The following GRIK4 variants were observed in gnomAD, a reference collection of about 807,000 sequenced individuals.
GRIK4 encodes glutamate ionotropic receptor kainate type subunit 4.
Under a neutral mutation model 104.9 loss-of-function variants are expected in GRIK4, and 40 were observed. The ratio of observed to expected loss-of-function variants is 0.38; its 90% CI spans 0.30 to 0.50. The LOEUF (loss-of-function observed/expected upper bound fraction) is 0.50. GRIK4 is among the 20% of genes least tolerant of loss of function. GRIK4 has a pLI of 0.93. For missense variants in GRIK4, 1,047 were observed against 1,308.1 expected, an observed-to-expected ratio of 0.80 and a Z score of 3.08; for synonymous variants, 485 against 524.9, an observed-to-expected ratio of 0.92 and a Z score of 1.04.
At chr11:120,934,097 C>G (rs1943540485) in intron 13 of GRIK4, among the ~76,000 whole-genome samples, 1 of 150,136 alleles carries the variant, frequency 6.7e-6, no homozygotes, top group South Asian at 2.1e-4. Flanking sequence ...CCCAGCTACT[C>G]AGGAGGCTGA....
At chr11:120,629,511 C>T (rs771637042) in intron 1 of GRIK4, among the ~76,000 whole-genome samples, 36 of 152,112 alleles carry the variant, frequency 2.4e-4, no homozygotes, top group Non-Finnish European at 1.6e-4. Context: ...TCCTGCCCTC[C>T]GTGCCTTGAC....
At chr11:120,894,428 A>G (rs1397787613) in intron 11 of GRIK4, 2 of 152,236 alleles carry the variant, frequency 1.3e-5, no homozygotes, top group East Asian at 3.8e-4. Context: ...CGAACTCTGC[A>G]TTCCCAGGGT....
chr11:120,876,535 A>G (rs1954825944), intron 11 of GRIK4, among the ~76,000 whole-genome samples: 1 of 150,018 alleles, frequency 6.7e-6, no homozygotes, highest in Non-Finnish European at 1.5e-5. Context: ...TCCATTTATT[A>G]AGCTTTTACC....
Position 120,975,488 on chromosome 11 carries a change from G to A in GRIK4, c.2396-6618G>A, listed in dbSNP as rs2134777462. ...TTCCAGAAACCATGATCAGAACAGA[G>A]GCAAATGGTGGCCCCATGAGTCTGC... On this transcript the variant is annotated intron_variant, in intron 19 of 20. Transcript: ENST00000527524. Among the ~76,000 whole-genome samples the A allele has an allele frequency of 1.3e-5, 2 of 152,310 alleles. 1 individual carries two copies.
At chr11:120,657,726 C>T (rs1949735402) in intron 2 of GRIK4, among the ~76,000 whole-genome samples, 2 of 152,164 alleles carry the variant, frequency 1.3e-5, no homozygotes, top group Admixed American at 6.5e-5. Context: ...GTTCTTTGGG[C>T]AGAAGGGATG....
intron 3 of GRIK4, among the ~76,000 whole-genome samples, chr11:120,708,335 T>G (rs1430727882): frequency 6.6e-6 from 1 of 152,070 alleles, no homozygotes; most frequent in Non-Finnish European, 1.5e-5. Context: ...TTGATCTGCT[T>G]CCTTGATGTC....
chr11:120,652,666 C>CG (rs1949636505), intron 1 of GRIK4, among the ~76,000 whole-genome samples: 1 of 151,964 alleles, frequency 6.6e-6, no homozygotes, highest in Admixed American at 6.5e-5. Context: ...TTGCCCACAG[C>CG]GGGGAAAAAA....
intron 2 of GRIK4, among the ~76,000 whole-genome samples, chr11:120,654,797 C>T (rs1035987208): frequency 6.6e-6 from 1 of 152,158 alleles, no homozygotes; most frequent in Admixed American, 6.5e-5. Context: ...GAGATGTTAG[C>T]TGATTTGCCC....
At chr11:120,528,398 A>G (rs1406463571) in intron 1 of GRIK4, among the ~76,000 whole-genome samples, 2 of 152,212 alleles carry the variant, frequency 1.3e-5, no homozygotes, top group Admixed American at 6.5e-5. Context: ...GGCATGAGCC[A>G]CCAAGCCCGA....
chr11:120,633,487 G>A (rs1204250949), intron 1 of GRIK4, among the ~76,000 whole-genome samples: 3 of 152,226 alleles, frequency 2.0e-5, no homozygotes, highest in Non-Finnish European at 4.4e-5. Context: ...CTTTGACTTA[G>A]ACATTGTCAG....
At position 120,819,588 on chromosome 11, in the gene GRIK4, C is replaced by T. The variant is rs535193950; in HGVS notation, c.346-167C>T. 2.9e-4 allele frequency among the ~76,000 whole-genome samples: 44 copies of T among 152,312 alleles called. No homozygotes were observed. The highest frequency in any genetic ancestry group is 1.1e-3 in the African/African-American group (44 of 41,574). On this transcript the variant is annotated intron_variant, in intron 5 of 20. Coordinates refer to ENST00000527524, the MANE Select transcript of GRIK4 (RefSeq NM_014619.5). This position sits in a 1 kb window ranked among gnomAD's most constrained non-coding sequence, Gnocchi z 4.3. ...CATCATCAGGGATGTCATCGCTCGT[C>T]TTCCTCCCACGGAGTGGGTGCCCTG... is the stretch of plus-strand genomic sequence containing the variant.
intron 1 of GRIK4, among the ~76,000 whole-genome samples, chr11:120,535,959 C>G (rs1350199615): frequency 1.3e-5 from 2 of 152,196 alleles, no homozygotes; most frequent in Non-Finnish European, 2.9e-5. Context: ...TCCTGGCCAT[C>G]TCGCTGCATG....
At chr11:120,760,068 G>A (rs921230619) in intron 3 of GRIK4, among the ~76,000 whole-genome samples, 10 of 151,758 alleles carry the variant, frequency 6.6e-5, no homozygotes, top group African/African-American at 1.5e-4. Flanking sequence ...CACATTGTAC[G>A]TTAGGTCTCT....
At chr11:120,759,500 G>A (rs1951708666) in intron 3 of GRIK4, among the ~76,000 whole-genome samples, 2 of 151,892 alleles carry the variant, frequency 1.3e-5, no homozygotes, top group South Asian at 4.2e-4. Context: ...ATTGTATTGT[G>A]GGCTATCAGT....
chr11:120,875,002 G>A (rs935252124), intron 10 of GRIK4, 137 bp from the exon 11 acceptor site: 10 of 649,704 alleles, frequency 1.5e-5, no homozygotes, highest in Admixed American at 4.6e-5. Context: ...TGCCTTGGCT[G>A]TGTGTGGGCA....
Position 120,874,030 on chromosome 11 carries a change from A to ACTCC in GRIK4, c.907-27_907-24dup, listed in dbSNP as rs759024055. On this transcript the variant is annotated intron_variant, in intron 9 of 20. Coordinates refer to ENST00000527524, the MANE Select transcript of GRIK4 (RefSeq NM_014619.5). ...CTCCCTTTCTTCCTCTACACCTCTC[A>ACTCC]CTCCCTCCCTCCGCCTGCTCCCCGG... 2.6e-6 allele frequency: 4 copies of ACTCC among 1,562,204 alleles called. No individual in the cohort carries two copies. The South Asian group carries it at 3.5e-5, about 14-fold the overall frequency.
intron 3 of GRIK4, among the ~76,000 whole-genome samples, chr11:120,680,457 G>T (rs1368637193): frequency 6.6e-6 from 1 of 152,194 alleles, no homozygotes; most frequent in Middle Eastern, 3.2e-3. Flanking sequence ...ATGGGTGACT[G>T]CACCTCAGCC....
At chr11:120,709,798 T>TA (rs530841075) in intron 3 of GRIK4, among the ~76,000 whole-genome samples, 93 of 152,256 alleles carry the variant, frequency 6.1e-4, no homozygotes, top group African/African-American at 2.1e-3. Context: ...TTTTCTGAAC[T>TA]AAAAAATCAG....
intron 1 of GRIK4, among the ~76,000 whole-genome samples, chr11:120,593,980 T>C (rs572050350): frequency 1.3e-5 from 2 of 152,312 alleles, no homozygotes; most frequent in East Asian, 3.9e-4. Flanking sequence ...CCACTTGCCC[T>C]GCCACCCTTC....
Sources: gnomAD v4.1 joint callset for allele counts (sites outside exome capture counted in the v4.1 genomes callset) on GRCh38, gnomAD v4.1.1 for gene constraint, Gnocchi (gnomAD v3.1) non-coding constraint, MANE v1.5 for transcripts, NCBI Gene and HGNC (gene_info 2026-07-23, HGNC 2026-07-21) for gene names.